CELF5: variants seen among roughly 807,000 people sequenced by gnomAD.
CELF5 encodes the protein CUGBP Elav-like family member 5.
Under a neutral mutation model 54.9 loss-of-function variants are expected in CELF5, and 6 were observed. The observed-to-expected ratio is 0.11, with a 90% CI of 0.06 to 0.22. The LOEUF is 0.22. Among genes scored for constraint, CELF5 ranks in the 10% least tolerant of loss-of-function variants. CELF5 has a pLI of 1.00. For missense variants in CELF5, 401 were observed against 678.6 expected (o/e 0.59, Z 4.54); for synonymous variants, 271 against 290.9 (o/e 0.93, Z 0.70).
chr19:3,250,915 T>C, intron 1 of CELF5, 70 bp from the exon 2 acceptor site: 1 of 1,131,992 alleles, frequency 8.8e-7, no homozygotes, highest in Middle Eastern at 2.0e-4. Context: ...TAGTGGCCAC[T>C]GTGGGTGGTG....
rs547723932 is a variant in CELF5 at position 3,273,663 on chromosome 19, G to A, written c.343-209G>A. ...CTTCCTGGAGGAAGGGATATTGTTG[G>A]GTTTTGAGAGCTAAGAGTTCGCCAC... On this transcript the variant is annotated intron_variant, in intron 2 of 12. Transcript: ENST00000292672. Among the ~76,000 whole-genome samples, 5 of 152,324 alleles carry A rather than the reference G, an allele frequency of 3.3e-5. No homozygotes were observed. In the South Asian group the frequency reaches 1.0e-3, roughly 32 times the overall value.
At chr19:3,225,021 C>T (rs756140369) in intron 1 of CELF5, 23 bp downstream of exon 1, 89 of 1,413,368 alleles carry the variant, frequency 6.3e-5, no homozygotes, top group Non-Finnish European at 7.6e-5. Context: ...CCCCCTCCCC[C>T]CTCTCCCCCT....
chr19:3,291,422 C>T (rs951288110), intron 11 of CELF5, among the ~76,000 whole-genome samples: 10 of 151,866 alleles, frequency 6.6e-5, no homozygotes, highest in East Asian at 1.9e-4. Context: ...AAAAATTAGC[C>T]GGGCATGGTG....
chr19:3,232,842 A>C (rs1452101885), intron 1 of CELF5, among the ~76,000 whole-genome samples: 4 of 152,126 alleles, frequency 2.6e-5, no homozygotes, highest in Non-Finnish European at 5.9e-5. Flanking sequence ...TGGGAGGCCG[A>C]GGTGGGTGGA....
intron 4 of CELF5, among the ~76,000 whole-genome samples, chr19:3,276,909 A>C (rs1463910984): frequency 6.6e-6 from 1 of 151,962 alleles, no homozygotes; most frequent in Admixed American, 6.6e-5. Flanking sequence ...CCACGGACAG[A>C]GTTACCTGTG....
Position 3,228,913 on chromosome 19 carries a change from T to TGC in CELF5, c.259+3916_259+3917insCG, listed in dbSNP as rs1256817835. Among the ~76,000 whole-genome samples the TGC allele has an allele frequency of 2.5e-4, 37 of 147,300 alleles. No individual in the cohort carries two copies. The South Asian group carries it at 3.9e-3, about 16-fold the overall frequency. On this transcript the variant is annotated intron_variant, in intron 1 of 12. Coordinates refer to ENST00000292672, the MANE Select transcript of CELF5 (RefSeq NM_021938.4). The surrounding 1 kb of genome is among the most constrained non-coding windows in gnomAD (Gnocchi z 6.0). ...GTGTGTGTGTGTGTGTGTGTGTGTG[T>TGC]GTACGCGGGCGCGCGCCTGGGAAGG...
chr19:3,235,516 G>T, intron 1 of CELF5, among the ~76,000 whole-genome samples: 1 of 130,348 alleles, frequency 7.7e-6, no homozygotes, highest in Non-Finnish European at 1.7e-5. Context: ...GTGGATGGAT[G>T]GATGGATGAA....
At chr19:3,260,326 A>G (rs965500183) in intron 2 of CELF5, among the ~76,000 whole-genome samples, 1 of 152,170 alleles carries the variant, frequency 6.6e-6, no homozygotes, top group Non-Finnish European at 1.5e-5. Context: ...CATGTTGGCC[A>G]GGCTGGTCTC....
In CELF5 at chr19:3,282,033, C is replaced by A; in HGVS notation, c.751-93C>A. 1 of 1,426,704 alleles carries A rather than the reference C, an allele frequency of 7.0e-7. No homozygotes were observed. Among genetic ancestry groups the A allele is most frequent in the Non-Finnish European group, 9.8e-7 (1 of 1,022,644 alleles). The allele number at this position is 1,426,704 out of a possible 1,614,324, so 88.4% of individuals were successfully genotyped here. On this transcript the variant is annotated intron_variant, in intron 6 of 12. Coordinates refer to ENST00000292672, the MANE Select transcript of CELF5 (RefSeq NM_021938.4). This position sits in a 1 kb window ranked among gnomAD's most constrained non-coding sequence, Gnocchi z 5.2. ...CCTGAGCCAAGATACCCAGCCTGAC[C>A]TCCTCACTAGTAACTGGGGTACCAA... is the stretch of plus-strand genomic sequence containing the variant.
At chr19:3,232,087 C>T (rs987698279) in intron 1 of CELF5, among the ~76,000 whole-genome samples, 4 of 151,978 alleles carry the variant, frequency 2.6e-5, no homozygotes, top group South Asian at 2.1e-4. Flanking sequence ...CTGGTGAATA[C>T]GAATGTTCAG....
At chr19:3,256,007 G>A (rs1289019947) in intron 2 of CELF5, among the ~76,000 whole-genome samples, 1 of 147,432 alleles carries the variant, frequency 6.8e-6, no homozygotes, top group Non-Finnish European at 1.5e-5. Context: ...AGAGGTTGCA[G>A]TGAGCCAAGA....
Position 3,235,274 on chromosome 19 carries a change from A to G in CELF5, c.259+10276A>G, listed in dbSNP as rs146203750. ...CCTGTGATGGCAGGATTTGTAATCT[A>G]GTCACTCCCAGAACTCCAAGTTCCT... On this transcript the variant is annotated intron_variant, in intron 1 of 12. Transcript: ENST00000292672. Among the ~76,000 whole-genome samples the G allele has an allele frequency of 2.0e-5, 3 of 151,574 alleles. No individual in the cohort carries two copies. In the East Asian group the frequency reaches 5.8e-4, roughly 29 times the overall value.
intron 11 of CELF5, 134 bp from the exon 12 acceptor site, chr19:3,293,185 A>C: frequency 8.3e-7 from 1 of 1,204,968 alleles, no homozygotes; most frequent in African/African-American, 1.5e-5. Context: ...CTCCACCACA[A>C]ACACCCTGGC....
rs1417167415 is a variant in CELF5 at position 3,273,924 on chromosome 19, G to C, written c.394+1G>C. ...GCGGACAGTGAAAGCCGCGGAGGTAGTTGTCATCTCTCCGTGGCTGCCAGG... is the reference window on the plus strand; with the variant it reads ...GCGGACAGTGAAAGCCGCGGAGGTACTTGTCATCTCTCCGTGGCTGCCAGG... On this transcript the variant is annotated splice_donor_variant, in intron 3 of 12. Coordinates refer to ENST00000292672, the MANE Select transcript of CELF5 (RefSeq NM_021938.4). LOFTEE classifies it high-confidence loss of function. The C allele has an allele frequency of 6.2e-7, 1 of 1,613,348 alleles. No homozygotes were observed. The highest frequency in any genetic ancestry group is 1.1e-5 in the South Asian group (1 of 91,064).
chr19:3,277,733 G>T (rs1232632355), intron 4 of CELF5, among the ~76,000 whole-genome samples: 1 of 152,062 alleles, frequency 6.6e-6, no homozygotes, highest in Non-Finnish European at 1.5e-5. Context: ...GTGTCTGGTG[G>T]TCTCTGTGTG....
intron 2 of CELF5, among the ~76,000 whole-genome samples, chr19:3,266,257 G>A (rs1052153106): frequency 3.3e-5 from 5 of 152,154 alleles, no homozygotes; most frequent in South Asian, 2.1e-4. Flanking sequence ...ATGGCACCCC[G>A]GTGGGCATGT....
intron 2 of CELF5, among the ~76,000 whole-genome samples, chr19:3,266,797 G>A (rs1007170333): frequency 3.3e-5 from 5 of 151,714 alleles, no homozygotes; most frequent in South Asian, 2.1e-4. Context: ...GGTGAGGGGC[G>A]GATGGGGGCT....
chr19:3,260,783 C>G (rs558501529), intron 2 of CELF5, among the ~76,000 whole-genome samples: 1 of 151,884 alleles, frequency 6.6e-6, no homozygotes, highest in African/African-American at 2.4e-5. Context: ...CCACCATGAC[C>G]GGCTAATTTT....
Position 3,293,270 on chromosome 19 carries a change from C to T in CELF5, c.1331-49C>T, listed in dbSNP as rs748957937. On this transcript the variant is annotated intron_variant, in intron 11 of 12. Coordinates refer to ENST00000292672, the MANE Select transcript of CELF5 (RefSeq NM_021938.4). ...CCAGGGCCACAGCATAGGAACAAGC[C>T]GAGGACACCCGCAGCGCCAACCACG... 14 of 1,607,396 alleles carry T rather than the reference C, an allele frequency of 8.7e-6. No individual in the cohort carries two copies. In the Admixed American group the frequency reaches 1.0e-4, roughly 12 times the overall value.
Sources: allele counts gnomAD v4.1 joint callset (sites outside exome capture counted in the v4.1 genomes callset), GRCh38; gene constraint gnomAD v4.1.1; non-coding constraint Gnocchi (gnomAD v3.1); transcripts MANE v1.5; gene names NCBI Gene and HGNC (gene_info 2026-07-23, HGNC 2026-07-21).